Variants in NTSR1 observed in about 807,000 individuals in gnomAD.
NTSR1 encodes neurotensin receptor type 1.
In NTSR1, 29 loss-of-function variants were observed where a neutral mutation model predicts 31.2. The observed-to-expected ratio is 0.93, with a 90% CI of 0.69 to 1.27. The LOEUF is 1.27. Ranked by LOEUF, NTSR1 falls within the 50% of genes most tolerant of loss-of-function variation. NTSR1 has a pLI of 0.00. For synonymous variants in NTSR1, 282 were observed against 269.9 expected (o/e 1.04, Z -0.44); for missense variants, 697 against 595.4 (o/e 1.17, Z -1.78).
intron 1 of NTSR1, among the ~76,000 whole-genome samples, chr20:62,730,471 G>A (rs905582811): frequency 5.3e-5 from 8 of 152,168 alleles, no homozygotes; most frequent in Admixed American, 5.2e-4. Flanking sequence ...TTATCTGGAT[G>A]TCCCCCAGCT....
At chr20:62,723,785 G>A (rs956721480) in intron 1 of NTSR1, among the ~76,000 whole-genome samples, 6 of 152,198 alleles carry the variant, frequency 3.9e-5, no homozygotes, top group Admixed American at 6.5e-5. Context: ...CCCCAAGCAC[G>A]GGGCTTTATT....
chr20:62,735,747 C>T (rs751523246), intron 1 of NTSR1, among the ~76,000 whole-genome samples: 7 of 152,146 alleles, frequency 4.6e-5, no homozygotes, highest in Non-Finnish European at 4.4e-5. Flanking sequence ...CTGAGGCTGG[C>T]GTGCAGGGAA....
chr20:62,722,137 C>A lies in NTSR1; in HGVS notation c.714+12216C>A, dbSNP rs545989143. Among the ~76,000 whole-genome samples the A allele has an allele frequency of 1.8e-4, 28 of 152,256 alleles. No individual in the cohort carries two copies. In the South Asian group the frequency reaches 5.8e-3, roughly 32 times the overall value. On this transcript the variant is annotated intron_variant, in intron 1 of 3. Coordinates refer to ENST00000370501, the MANE Select transcript of NTSR1 (RefSeq NM_002531.3). ...TGTGTTCCTTTGGAGAGGGTTGATTCTTATTTTAGCAGGCAGTTCAGTGGC... is the reference window on the plus strand; with the variant it reads ...TGTGTTCCTTTGGAGAGGGTTGATTATTATTTTAGCAGGCAGTTCAGTGGC...
intron 3 of NTSR1, among the ~76,000 whole-genome samples, chr20:62,759,404 CA>C (rs1172805162): frequency 6.6e-6 from 1 of 152,178 alleles, no homozygotes; most frequent in Non-Finnish European, 1.5e-5. Context: ...CTTGGATGCA[CA>C]GAGCTGCGAA....
At chr20:62,746,820 G>A (rs56189021) in intron 1 of NTSR1, among the ~76,000 whole-genome samples, 10,489 of 152,250 alleles carry the variant, frequency 0.069, 404 homozygotes, top group South Asian at 0.1. Context: ...AGGTTGCTTC[G>A]CCGATGGATG....
chr20:62,752,251 C>CCGATGGA (rs1319073731), intron 1 of NTSR1, among the ~76,000 whole-genome samples: 4 of 152,196 alleles, frequency 2.6e-5, no homozygotes, highest in East Asian at 1.9e-4. Context: ...CCCCGCGCTG[C>CCGATGGA]CGATGGACGT....
rs79794487 is a variant in NTSR1, at chr20:62,710,678, C to G, written c.714+757C>G. On this transcript the variant is annotated intron_variant, in intron 1 of 3. Coordinates refer to ENST00000370501, the MANE Select transcript of NTSR1 (RefSeq NM_002531.3). The stretch of plus-strand genomic sequence containing the variant: ...GTCTGAGCAAAGCGCCGTGGGAATG[C>G]GGGTGGGAAGCCCCCTTGGGAATCA... Among the ~76,000 whole-genome samples, 664 of 152,154 alleles carry G rather than the reference C, an allele frequency of 4.4e-3. 4 individuals carry two copies. Among genetic ancestry groups the G allele is most frequent in the African/African-American group, 0.015 (627 of 41,504 alleles).
At chr20:62,755,691 C>A (rs867528804) in intron 2 of NTSR1, among the ~76,000 whole-genome samples, 1 of 3,298 alleles carries the variant, frequency 3.0e-4, no homozygotes, top group Non-Finnish European at 6.2e-4. Context: ...TCCTCCCTCC[C>A]TCCATCATCC....
Position 62,754,614 on chromosome 20 carries a change from G to A in NTSR1, c.715-71G>A, listed in dbSNP as rs575544487. ...CAGGCCTGACACCCCAATCAGCACG[G>A]CAGGCATCCCAGCTGAGGGTGCATG... On this transcript the variant is annotated intron_variant, in intron 1 of 3. Transcript: ENST00000370501. The A allele has an allele frequency of 6.3e-6, 8 of 1,277,040 alleles. No homozygotes were observed. The South Asian group carries it at 9.7e-5, about 15-fold the overall frequency. The allele number at this position is 1,277,040 out of a possible 1,614,324, so 79.1% of individuals were successfully genotyped here.
Position 62,709,677 on chromosome 20 carries a change from T to G in NTSR1, c.470T>G (p.Leu157Arg). The change falls in exon 1 of 4, where the codon CTC becomes CGC. Residue 157 changes from leucine (L) to arginine (R), a missense_variant. Transcript: ENST00000370501. ...GACGCCTGCACCTACGCCACGGCCC[T>G]CAACGTGGCCAGCCTGAGTGTGGAG... ...LRDACTYATA[L>R]NVASLSVERY... is the part of the protein sequence containing the mutation. 6.2e-7 allele frequency: 1 copy of G among 1,612,692 alleles called. No homozygotes were observed. The highest frequency in any genetic ancestry group is 8.5e-7 in the Non-Finnish European group (1 of 1,179,866).
rs1989198444 is a variant in NTSR1 at position 62,741,169 on chromosome 20, G to A, written c.715-13516G>A. On this transcript the variant is annotated intron_variant, in intron 1 of 3. Transcript: ENST00000370501. This position sits in a 1 kb window ranked among gnomAD's most constrained non-coding sequence, Gnocchi z 4.3. ...ACTAAGGCCCTCTGGGCTAAGTCAG[G>A]GGTCTCCCGGCAGCCAGGCTGCTAA... Among the ~76,000 whole-genome samples, 3 of 150,764 alleles carry A rather than the reference G, an allele frequency of 2.0e-5. No homozygotes were observed. The highest frequency in any genetic ancestry group is 3.9e-4 in the East Asian group (2 of 5,132).
chr20:62,738,662 G>A lies in NTSR1; in HGVS notation c.715-16023G>A, dbSNP rs529093355. On this transcript the variant is annotated intron_variant, in intron 1 of 3. Coordinates refer to ENST00000370501, the MANE Select transcript of NTSR1 (RefSeq NM_002531.3). ...TCAGCCGTGCCTGTGTTGGCAGGGA[G>A]CCCTGTGCACTGCCTCTCTTCTGCC... Among the ~76,000 whole-genome samples the A allele has an allele frequency of 2.0e-5, 3 of 152,380 alleles. No individual in the cohort carries two copies. In the South Asian group the frequency reaches 6.2e-4, roughly 32 times the overall value.
chr20:62,721,290 C>CTT (rs2147134395), intron 1 of NTSR1, among the ~76,000 whole-genome samples: 1 of 152,288 alleles, frequency 6.6e-6, no homozygotes, highest in East Asian at 1.9e-4. Flanking sequence ...GCTTTAAAGT[C>CTT]TTTGTCTGGT....
chr20:62,717,104 C>T (rs968801800), intron 1 of NTSR1, among the ~76,000 whole-genome samples: 1 of 152,360 alleles, frequency 6.6e-6, no homozygotes, highest in Admixed American at 6.5e-5. Flanking sequence ...GCCTGCCCCA[C>T]CCTGGTGCCC....
intron 1 of NTSR1, among the ~76,000 whole-genome samples, chr20:62,751,505 TC>T (rs1471634073): frequency 6.6e-6 from 1 of 152,248 alleles, no homozygotes; most frequent in African/African-American, 2.4e-5. Flanking sequence ...GTGCCCCGCT[TC>T]ACCGGTGCTG....
At chr20:62,738,878 C>T (rs1225065696) in intron 1 of NTSR1, among the ~76,000 whole-genome samples, 1 of 152,188 alleles carries the variant, frequency 6.6e-6, no homozygotes, top group Non-Finnish European at 1.5e-5. Context: ...AGGGCCAGCA[C>T]GAGAAGGGAA....
At chr20:62,725,711 C>T (rs1183945255) in intron 1 of NTSR1, among the ~76,000 whole-genome samples, 8 of 152,162 alleles carry the variant, frequency 5.3e-5, no homozygotes, top group Admixed American at 3.9e-4. Context: ...CAGACGCCGC[C>T]GCCTCAGCTC....
At position 62,760,067 on chromosome 20, in the gene NTSR1, T is replaced by A; in HGVS notation, c.1057T>A (p.Phe353Ile). ...CTTCTACATGGTGACCAACGCACTC[T>A]TCTACGTCAGCTCCACCATCAACCC... ...HYFYMVTNAL[F>I]YVSSTINPIL... Residue 353 changes from phenylalanine to isoleucine, a missense_variant, in exon 4 of 4, where the codon TTC becomes ATC. Transcript: ENST00000370501. 1 of 1,614,102 alleles carries A rather than the reference T, an allele frequency of 6.2e-7. No homozygotes were observed. The highest frequency in any genetic ancestry group is 8.5e-7 in the Non-Finnish European group (1 of 1,179,998).
chr20:62,719,300 C>A (rs1988790180), intron 1 of NTSR1, among the ~76,000 whole-genome samples: 3 of 152,094 alleles, frequency 2.0e-5, no homozygotes, highest in Non-Finnish European at 4.4e-5. Flanking sequence ...TGTGGATTTT[C>A]TCCATTAGTC....
Sources: gnomAD v4.1 joint callset for allele counts (sites outside exome capture counted in the v4.1 genomes callset) on GRCh38, gnomAD v4.1.1 for gene constraint, Gnocchi (gnomAD v3.1) non-coding constraint, MANE v1.5 for transcripts, NCBI Gene and HGNC (gene_info 2026-07-23, HGNC 2026-07-21) for gene names.